SNX27: variants seen among roughly 807,000 people sequenced by gnomAD.
The protein encoded by SNX27 is sorting nexin-27.
Under a neutral mutation model 71.6 loss-of-function variants are expected in SNX27, and 22 were observed. The ratio of observed to expected loss-of-function variants is 0.31; its 90% CI spans 0.22 to 0.44. SNX27 has a LOEUF of 0.44. SNX27 is among the 20% of genes least tolerant of loss of function. The pLI, the probability that SNX27 is intolerant of heterozygous loss-of-function variation, is 1.00. For synonymous variants in SNX27, 269 were observed against 277.2 expected (o/e 0.97, Z 0.29); for missense variants, 531 against 698.6 (o/e 0.76, Z 2.70).
chr1:151,683,088 A>C (rs936303443), intron 7 of SNX27, among the ~76,000 whole-genome samples: 2 of 152,174 alleles, frequency 1.3e-5, no homozygotes, highest in Non-Finnish European at 2.9e-5. Flanking sequence ...CACTATCATG[A>C]GACCAGCATG....
chr1:151,670,909 T>A (rs1312045573), intron 7 of SNX27, among the ~76,000 whole-genome samples: 1 of 152,184 alleles, frequency 6.6e-6, no homozygotes, highest in Non-Finnish European at 1.5e-5. Context: ...AGTAGTTTCA[T>A]AGCTAGAGGA....
intron 11 of SNX27, 181 bp downstream of exon 11, chr1:151,693,664 T>G: frequency 6.2e-7 from 1 of 1,612,596 alleles, no homozygotes; most frequent in Non-Finnish European, 8.5e-7. Context: ...CTCTGGATGG[T>G]GAACGGGCTG....
At chr1:151,683,292 A>G in intron 7 of SNX27, 64 bp from the exon 8 acceptor site, 3 of 1,343,514 alleles carry the variant, frequency 2.2e-6, no homozygotes, top group Non-Finnish European at 3.1e-6. Context: ...GTCTGTTTTC[A>G]TCGAGAATGT....
At chr1:151,627,301 A>C (rs548719720) in intron 1 of SNX27, among the ~76,000 whole-genome samples, 96 of 152,300 alleles carry the variant, frequency 6.3e-4, no homozygotes, top group African/African-American at 2.1e-3. Flanking sequence ...CAATTCCAAT[A>C]CACTTGTTTA....
At chr1:151,639,727 C>G (rs1357263226) in intron 2 of SNX27, among the ~76,000 whole-genome samples, 1 of 152,164 alleles carries the variant, frequency 6.6e-6, no homozygotes, top group African/African-American at 2.4e-5. Flanking sequence ...TGCAGGAAAG[C>G]CCATCTTGAA....
intron 2 of SNX27, among the ~76,000 whole-genome samples, chr1:151,641,779 GAT>G (rs1310527560): frequency 1.6e-5 from 2 of 127,530 alleles, no homozygotes; most frequent in African/African-American, 5.7e-5. Context: ...ATATATATCT[GAT>G]ATATATGAGA....
intron 2 of SNX27, among the ~76,000 whole-genome samples, chr1:151,647,236 C>T (rs1044307094): frequency 3.3e-5 from 5 of 151,346 alleles, no homozygotes; most frequent in Admixed American, 1.3e-4. Context: ...CCACAACTTC[C>T]GTCTCCCAGG....
chr1:151,652,366 A>C (rs1236093792), intron 2 of SNX27, among the ~76,000 whole-genome samples: 1 of 148,504 alleles, frequency 6.7e-6, no homozygotes, highest in African/African-American at 2.5e-5. Context: ...TCTGCTGATG[A>C]GACTGTTAGA....
chr1:151,666,934 G>A (rs960742805), intron 6 of SNX27: 2 of 151,890 alleles, frequency 1.3e-5, no homozygotes, highest in South Asian at 2.1e-4. Context: ...TCTATAAAAT[G>A]GAAAATATTA....
intron 1 of SNX27, among the ~76,000 whole-genome samples, chr1:151,633,626 C>T (rs1668343968): frequency 6.6e-6 from 1 of 151,250 alleles, no homozygotes; most frequent in African/African-American, 2.4e-5. Context: ...TCAGTACTAT[C>T]CCCTCCCCTC....
Position 151,687,960 on chromosome 1 carries a change from A to C in SNX27, c.1240-4475A>C, listed in dbSNP as rs1271325800. ...GAGTCTGTCTCAAAAAAAAAAAAAA[A>C]CAACGAAAAACAAAAAAAAAAACTG... On this transcript the variant is annotated intron_variant, in intron 8 of 11. Transcript: ENST00000458013. Among the ~76,000 whole-genome samples the C allele has an allele frequency of 1.6e-4, 23 of 143,486 alleles. No individual in the cohort carries two copies. The East Asian group carries it at 4.0e-3, about 25-fold the overall frequency. 94.1% of individuals were successfully genotyped at this position (143,486 alleles called of 152,430 possible).
intron 1 of SNX27, among the ~76,000 whole-genome samples, chr1:151,620,806 T>A (rs1022308638): frequency 1.3e-5 from 2 of 151,656 alleles, no homozygotes; most frequent in Non-Finnish European, 2.9e-5. Flanking sequence ...TCTCCTGCCT[T>A]AGCCTCCTGA....
chr1:151,651,204 G>A (rs1361779207), intron 2 of SNX27, among the ~76,000 whole-genome samples: 4 of 145,490 alleles, frequency 2.7e-5, no homozygotes, highest in South Asian at 2.3e-4. Flanking sequence ...CTCACCTCCC[G>A]GGCGGGGCGG....
intron 2 of SNX27, among the ~76,000 whole-genome samples, chr1:151,648,989 G>A (rs1213964195): frequency 6.6e-6 from 1 of 151,400 alleles, no homozygotes; most frequent in Non-Finnish European, 1.5e-5. Context: ...TTGAGACAGA[G>A]TCTTGCTCTG....
intron 7 of SNX27, among the ~76,000 whole-genome samples, chr1:151,675,370 T>G (rs1267239739): frequency 6.6e-6 from 1 of 152,168 alleles, no homozygotes; most frequent in African/African-American, 2.4e-5. Flanking sequence ...TTTACATGTA[T>G]ATTTGGCTTT....
rs745573692 is a variant in SNX27 at position 151,658,422 on chromosome 1, A to G, written c.731A>G (p.Glu244Gly). 4 of 1,613,210 alleles carry G rather than the reference A, an allele frequency of 2.5e-6. No homozygotes were observed. Among genetic ancestry groups the G allele is most frequent in the Non-Finnish European group, 3.4e-6 (4 of 1,179,570 alleles). Residue 244 changes from glutamate to glycine, a missense_variant, in exon 3 of 12, where the codon GAA becomes GGA. Glu to Gly is a moderately conservative substitution (Grantham distance 98). This residue lies in a region of SNX27 where 184 missense variants were observed against 289.6 expected (regional missense o/e 0.64). Transcript: ENST00000458013. ...ARRRGLEEYLEKVCSIRVIGE... is the reference protein window; with the variant it reads ...ARRRGLEEYLGKVCSIRVIGE... ...CGTCGGGGATTGGAAGAATATCTAGAAAAAGGTAATCCAAACCATCAAACT... is the reference window on the plus strand; with the variant it reads ...CGTCGGGGATTGGAAGAATATCTAGGAAAAGGTAATCCAAACCATCAAACT...
chr1:151,688,038 C>T (rs559912222), intron 8 of SNX27, among the ~76,000 whole-genome samples: 8 of 151,644 alleles, frequency 5.3e-5, no homozygotes, highest in African/African-American at 1.9e-4. Context: ...TATAAAATAT[C>T]CTGTACTATA....
At chr1:151,635,854 C>A (rs890252527) in intron 1 of SNX27, among the ~76,000 whole-genome samples, 1 of 152,018 alleles carries the variant, frequency 6.6e-6, no homozygotes, top group Non-Finnish European at 1.5e-5. Flanking sequence ...AGAAGTGAAA[C>A]CTAAGTGAGC....
chr1:151,683,307 A>C (rs999406882), intron 7 of SNX27, 49 bp from the exon 8 acceptor site: 4 of 1,453,578 alleles, frequency 2.8e-6, no homozygotes, highest in African/African-American at 2.8e-5. Flanking sequence ...GAATGTACAT[A>C]ATAATGATTT....
Sources: gnomAD v4.1 joint callset for allele counts (sites outside exome capture counted in the v4.1 genomes callset) on GRCh38, gnomAD v4.1.1 for gene constraint, gnomAD v4.1.1 regional missense constraint, MANE v1.5 for transcripts, NCBI Gene and HGNC (gene_info 2026-07-23, HGNC 2026-07-21) for gene names.